MCTP2: variants seen among roughly 807,000 people sequenced by gnomAD.
MCTP2 encodes multiple C2 and transmembrane domain-containing protein 2.
A neutral mutation model predicts 111.6 loss-of-function variants in MCTP2; 132 were observed. The observed-to-expected ratio is 1.18, with a 90% CI of 1.03 to 1.37. The LOEUF (loss-of-function observed/expected upper bound fraction) is 1.37, where lower values mean the gene tolerates loss of function less well. Among genes scored for constraint, MCTP2 ranks in the 40% most tolerant of loss-of-function variants. MCTP2 has a pLI of 0.00. For missense variants in MCTP2, 1,183 were observed against 1,067.9 expected, an observed-to-expected ratio of 1.11 and a Z score of -1.50; for synonymous variants, 395 against 387.7, an observed-to-expected ratio of 1.02 and a Z score of -0.22.
intron 16 of MCTP2, among the ~76,000 whole-genome samples, chr15:94,401,454 AT>A (rs749127066): frequency 6.6e-6 from 1 of 152,186 alleles, no homozygotes; most frequent in Non-Finnish European, 1.5e-5. Flanking sequence ...GCATGTTTTA[AT>A]TGTAAATCTA....
intron 1 of MCTP2, among the ~76,000 whole-genome samples, chr15:94,236,911 T>G (rs1190670465): frequency 6.6e-6 from 1 of 152,066 alleles, no homozygotes; most frequent in African/African-American, 2.4e-5. Context: ...ATTTGAGAGA[T>G]AACTAGGAAG....
chr15:94,311,284 C>T (rs2076126665), intron 2 of MCTP2, among the ~76,000 whole-genome samples: 2 of 147,984 alleles, frequency 1.4e-5, no homozygotes, highest in African/African-American at 2.6e-5. Context: ...ACCTTGGCCT[C>T]CCAAAGTGCT....
At chr15:94,449,276 G>T (rs2084301310) in intron 19 of MCTP2, among the ~76,000 whole-genome samples, 1 of 152,156 alleles carries the variant, frequency 6.6e-6, no homozygotes, top group African/African-American at 2.4e-5. Context: ...CTGCTTTTAT[G>T]TGCAGGAGCT....
At chr15:94,245,183 T>C (rs56651263) in intron 1 of MCTP2, among the ~76,000 whole-genome samples, 56,350 of 144,338 alleles carry the variant, frequency 0.39, 11,210 homozygotes, top group Non-Finnish European at 0.44. Context: ...TATAGATTTA[T>C]ACACACATAT....
In MCTP2 at chr15:94,356,181, G is replaced by T. The variant is rs1555458139; in HGVS notation, c.1050G>T (p.Lys350Asn). The change falls in exon 9 of 23, where the codon AAG becomes AAT. Residue 350 changes from lysine (K) to asparagine (N), a missense_variant. Coordinates refer to ENST00000357742, the MANE Select transcript of MCTP2 (RefSeq NM_001385001.1). ...RNLRLSESLK[K>N]NQLWNGIISI... ...TACGGCTCTCTGAGTCCTTGAAAAA[G>T]AACCAACTCTGGAACGGGATTATAA... 3 of 1,612,466 alleles carry T rather than the reference G, an allele frequency of 1.9e-6. No homozygotes were observed. The highest frequency in any genetic ancestry group is 2.5e-6 in the Non-Finnish European group (3 of 1,179,246).
rs151121659 is a variant in MCTP2 at position 94,466,342 on chromosome 15, T to G, written c.2361-3991T>G. ...TGTGGAGAGTACTCAAACATCATAG[T>G]TGATGATGCATTTCCTTGGAGAGGA... On this transcript the variant is annotated intron_variant, in intron 20 of 22. Coordinates refer to ENST00000357742, the MANE Select transcript of MCTP2 (RefSeq NM_001385001.1). Among the ~76,000 whole-genome samples, 792 of 152,234 alleles carry G rather than the reference T, an allele frequency of 5.2e-3. 5 individuals carry two copies. The highest frequency in any genetic ancestry group is 0.018 in the African/African-American group (757 of 41,548).
At chr15:94,386,204 T>C (rs2080464397) in intron 14 of MCTP2, among the ~76,000 whole-genome samples, 2 of 152,196 alleles carry the variant, frequency 1.3e-5, no homozygotes, top group Non-Finnish European at 2.9e-5. Context: ...AATTCATCTC[T>C]TAATTAGACA....
At chr15:94,403,623 T>A (rs2081723783) in intron 17 of MCTP2, among the ~76,000 whole-genome samples, 1 of 152,150 alleles carries the variant, frequency 6.6e-6, no homozygotes, top group South Asian at 2.1e-4. Context: ...GAAGAAAGAT[T>A]AGAACAGATG....
chr15:94,292,924 G>A (rs577716538), intron 1 of MCTP2: 1 of 152,298 alleles, frequency 6.6e-6, no homozygotes, highest in South Asian at 2.1e-4. Context: ...CTACTACACA[G>A]ATGTAGCAGA....
intron 17 of MCTP2, among the ~76,000 whole-genome samples, chr15:94,430,201 C>T (rs190227282): frequency 2.0e-4 from 31 of 152,208 alleles, no homozygotes; most frequent in African/African-American, 6.5e-4. Context: ...TTCTGCTTCC[C>T]GCCCTCTTGG....
intron 4 of MCTP2, among the ~76,000 whole-genome samples, chr15:94,332,901 AC>A (rs1251358369): frequency 6.6e-6 from 1 of 152,224 alleles, no homozygotes; most frequent in African/African-American, 2.4e-5. Flanking sequence ...ACAGACATAC[AC>A]ATAAAGTGAA....
At chr15:94,317,437 C>G (rs927299296) in intron 4 of MCTP2, among the ~76,000 whole-genome samples, 1 of 152,166 alleles carries the variant, frequency 6.6e-6, no homozygotes, top group African/African-American at 2.4e-5. Context: ...TAAAGCTTTT[C>G]TCTCTGCATA....
intron 6 of MCTP2, 52 bp downstream of exon 6, chr15:94,340,327 A>G: frequency 7.7e-7 from 1 of 1,292,610 alleles, no homozygotes. Context: ...GAGGGAACTT[A>G]CGATAATGTT....
At chr15:94,307,840 C>G (rs1282250893) in intron 2 of MCTP2, among the ~76,000 whole-genome samples, 1 of 152,146 alleles carries the variant, frequency 6.6e-6, no homozygotes, top group Non-Finnish European at 1.5e-5. Context: ...GTCCTGGTCA[C>G]TTTCGGTGGG....
chr15:94,284,253 C>A (rs558756747), intron 1 of MCTP2, among the ~76,000 whole-genome samples: 67 of 152,168 alleles, frequency 4.4e-4, no homozygotes, highest in Non-Finnish European at 8.2e-4. Flanking sequence ...ATGTTCCCTA[C>A]CATGGCCATT....
In MCTP2 at chr15:94,370,179, A is replaced by T; in HGVS notation, c.1581A>T (p.Ser527=). ...KAADLLAADF[S]GKSDPFCLLE... ...CAGATCTCTTAGCGGCAGATTTCTC[A>T]GGTACAGGACATTTTCATTTTCTAA... The change falls in exon 12 of 23, where the codon TCA becomes TCT. Residue 527 remains serine, a splice_region_variant and synonymous_variant. Transcript: ENST00000357742. 1 of 1,607,280 alleles carries T rather than the reference A, an allele frequency of 6.2e-7. No individual in the cohort carries two copies. Among genetic ancestry groups the T allele is most frequent in the Non-Finnish European group, 8.5e-7 (1 of 1,176,114 alleles).
intron 2 of MCTP2, among the ~76,000 whole-genome samples, chr15:94,311,016 C>CT (rs761053094): frequency 0.099 from 12,598 of 127,872 alleles, 2,008 homozygotes; most frequent in African/African-American, 0.34. Context: ...GGGAACTTTC[C>CT]TTTTTTTTTT....
At chr15:94,447,513 G>A (rs1008330665) in intron 19 of MCTP2, among the ~76,000 whole-genome samples, 15 of 152,098 alleles carry the variant, frequency 9.9e-5, no homozygotes, top group African/African-American at 3.4e-4. Flanking sequence ...TCGTGCCTCC[G>A]CCTCTGGAGT....
chr15:94,293,663 G>A (rs2075130168), intron 1 of MCTP2, among the ~76,000 whole-genome samples: 1 of 152,078 alleles, frequency 6.6e-6, no homozygotes, highest in Admixed American at 6.5e-5. Context: ...CTATTAGAAT[G>A]GCTATGCACA....
Sources: allele counts gnomAD v4.1 joint callset (sites outside exome capture counted in the v4.1 genomes callset), GRCh38; gene constraint gnomAD v4.1.1; transcripts MANE v1.5; gene names NCBI Gene and HGNC (gene_info 2026-07-23, HGNC 2026-07-21).